RBFOX1: variants seen among roughly 807,000 people sequenced by gnomAD.
RBFOX1 encodes RNA binding protein fox-1 homolog 1.
In RBFOX1, 8 loss-of-function variants were observed where a neutral mutation model predicts 57.7. The ratio of observed to expected loss-of-function variants is 0.14; its 90% CI spans 0.08 to 0.25. RBFOX1 has a LOEUF of 0.25. Among genes scored for constraint, RBFOX1 ranks in the 10% least tolerant of loss-of-function variants. RBFOX1 has a pLI of 1.00. For synonymous variants in RBFOX1, 326 were observed against 222.4 expected (o/e 1.47, Z -4.15); for missense variants, 611 against 548.5 (o/e 1.11, Z -1.14).
intron 2 of RBFOX1, among the ~76,000 whole-genome samples, chr16:5,486,762 T>G (rs2042642544): frequency 1.3e-5 from 2 of 152,160 alleles, no homozygotes; most frequent in Non-Finnish European, 2.9e-5. Context: ...ATTTCTGAGC[T>G]TGGAGCATTC....
At chr16:6,674,552 C>T (rs373824040) in intron 3 of RBFOX1, among the ~76,000 whole-genome samples, 54 of 152,238 alleles carry the variant, frequency 3.5e-4, no homozygotes, top group African/African-American at 1.0e-3. Context: ...GAACTCCTGA[C>T]CTCAAGTGAT....
intron 5 of RBFOX1, chr16:7,519,713 T>G: frequency 5.1e-6 from 5 of 985,308 alleles, no homozygotes; most frequent in Non-Finnish European, 6.0e-6. Flanking sequence ...TTTTTGAGTG[T>G]AAGGCAATTC....
chr16:7,075,632 G>C (rs1297819682), intron 4 of RBFOX1, among the ~76,000 whole-genome samples: 3 of 152,026 alleles, frequency 2.0e-5, no homozygotes, highest in African/African-American at 7.2e-5. Context: ...GCAGGCTGGA[G>C]TGCAGTGGTG....
chr16:7,089,996 A>G (rs1302909496), intron 4 of RBFOX1, among the ~76,000 whole-genome samples: 1 of 151,936 alleles, frequency 6.6e-6, no homozygotes, highest in Non-Finnish European at 1.5e-5. Flanking sequence ...GCTAGCATTA[A>G]CACTGTGAGG....
chr16:7,262,458 C>G (rs967016797), intron 4 of RBFOX1, among the ~76,000 whole-genome samples: 1 of 152,216 alleles, frequency 6.6e-6, no homozygotes, highest in African/African-American at 2.4e-5. Flanking sequence ...GGATATATGT[C>G]TATAGATGTG....
chr16:6,514,332 G>A (rs1598627005), intron 2 of RBFOX1, among the ~76,000 whole-genome samples: 1 of 152,198 alleles, frequency 6.6e-6, no homozygotes, highest in Admixed American at 6.5e-5. Flanking sequence ...CTGTAGTATG[G>A]CGTGGAGGCT....
intron 3 of RBFOX1, among the ~76,000 whole-genome samples, chr16:6,833,642 C>G (rs143244550): frequency 1.3e-5 from 2 of 152,196 alleles, no homozygotes; most frequent in African/African-American, 2.4e-5. Flanking sequence ...ATTTTGTCTT[C>G]CTCATGTCTT....
At chr16:7,053,446 A>T (rs146848110) in intron 4 of RBFOX1, among the ~76,000 whole-genome samples, 1 of 152,318 alleles carries the variant, frequency 6.6e-6, no homozygotes, top group African/African-American at 2.4e-5. Flanking sequence ...ATGTATTACA[A>T]CTTTAGATTT....
intron 3 of RBFOX1, among the ~76,000 whole-genome samples, chr16:6,940,622 G>C (rs1192654386): frequency 6.6e-6 from 1 of 152,020 alleles, no homozygotes; most frequent in Non-Finnish European, 1.5e-5. Flanking sequence ...TTTTGAGGCG[G>C]AGTCTTACTC....
At chr16:6,301,197 A>G (rs994140898) in intron 1 of RBFOX1, among the ~76,000 whole-genome samples, 1 of 152,212 alleles carries the variant, frequency 6.6e-6, no homozygotes, top group African/African-American at 2.4e-5. Flanking sequence ...ATCTAAAAGA[A>G]ATTATGCACA....
At chr16:5,860,493 A>G (rs1301513712) in intron 3 of RBFOX1, among the ~76,000 whole-genome samples, 1 of 152,160 alleles carries the variant, frequency 6.6e-6, no homozygotes, top group Admixed American at 6.5e-5. Flanking sequence ...AGAACTCACA[A>G]CCTGTTGCTT....
intron 4 of RBFOX1, among the ~76,000 whole-genome samples, chr16:7,092,434 T>C (rs534321682): frequency 1.7e-4 from 26 of 152,376 alleles, no homozygotes; most frequent in African/African-American, 6.3e-4. Context: ...TGTAACCTGC[T>C]TTTATCACTT....
At chr16:7,604,145 A>G (rs1245301181) in intron 9 of RBFOX1, among the ~76,000 whole-genome samples, 8 of 152,178 alleles carry the variant, frequency 5.3e-5, no homozygotes, top group Non-Finnish European at 4.4e-5. Flanking sequence ...TGAGCAACCA[A>G]GTAGATAGAT....
chr16:6,438,358 C>A (rs572493562), intron 2 of RBFOX1, among the ~76,000 whole-genome samples: 1 of 152,160 alleles, frequency 6.6e-6, no homozygotes, highest in African/African-American at 2.4e-5. Context: ...AGTAATCTGG[C>A]CAGGCCACTT....
intron 5 of RBFOX1, among the ~76,000 whole-genome samples, chr16:7,539,203 A>C (rs569244261): frequency 6.6e-6 from 1 of 152,298 alleles, no homozygotes; most frequent in Admixed American, 6.5e-5. Flanking sequence ...AAGAAAACAC[A>C]TATTAGGTTG....
intron 1 of RBFOX1, among the ~76,000 whole-genome samples, chr16:6,175,513 G>C (rs1441021935): frequency 6.6e-6 from 1 of 152,118 alleles, no homozygotes; most frequent in Non-Finnish European, 1.5e-5. Context: ...CGGGGGGGTG[G>C]GGGCGAGAGG....
chr16:7,667,937 G>T (rs1202856607), intron 13 of RBFOX1, among the ~76,000 whole-genome samples: 4 of 152,176 alleles, frequency 2.6e-5, no homozygotes, highest in Non-Finnish European at 5.9e-5. Context: ...GTCTCCCAAA[G>T]TGCTACGATT....
intron 1 of RBFOX1, among the ~76,000 whole-genome samples, chr16:6,178,648 G>A (rs1288917957): frequency 6.6e-6 from 1 of 152,148 alleles, no homozygotes; most frequent in East Asian, 1.9e-4. Flanking sequence ...CTTGGTTATT[G>A]AATCTAGAAT....
intron 2 of RBFOX1, among the ~76,000 whole-genome samples, chr16:6,337,315 G>A (rs1043671618): frequency 2.0e-5 from 3 of 152,250 alleles, no homozygotes; most frequent in East Asian, 1.9e-4. Context: ...GTATTGTGCC[G>A]TCCCAACAGG....
Sources: allele counts gnomAD v4.1 joint callset (sites outside exome capture counted in the v4.1 genomes callset), GRCh38; gene constraint gnomAD v4.1.1; transcripts MANE v1.5; gene names NCBI Gene and HGNC (gene_info 2026-07-23, HGNC 2026-07-21).